MYLK4: variants seen among roughly 807,000 people sequenced by gnomAD.
The protein encoded by MYLK4 is caMLCK like.
Under a neutral mutation model 48.1 loss-of-function variants are expected in MYLK4, and 46 were observed. That is an observed-to-expected ratio of 0.96 (90% CI 0.75 to 1.22). The LOEUF (loss-of-function observed/expected upper bound fraction) is 1.22, where lower values mean the gene tolerates loss of function less well. Ranked by LOEUF, MYLK4 falls within the 50% of genes most tolerant of loss-of-function variation. The pLI, the probability that MYLK4 is intolerant of heterozygous loss-of-function variation, is 0.00. For synonymous variants in MYLK4, 170 were observed against 180.8 expected (o/e 0.94, Z 0.48); for missense variants, 451 against 486.1 (o/e 0.93, Z 0.68).
chr6:2,698,922 C>T (rs894263310), intron 2 of MYLK4, among the ~76,000 whole-genome samples: 1 of 152,210 alleles, frequency 6.6e-6, no homozygotes, highest in African/African-American at 2.4e-5. Context: ...AGGACAGAAA[C>T]TGACTGACCA....
intron 2 of MYLK4, among the ~76,000 whole-genome samples, chr6:2,733,098 T>C (rs1022932893): frequency 1.3e-5 from 2 of 152,248 alleles, no homozygotes; most frequent in Admixed American, 1.3e-4. Context: ...TGTCAAATTA[T>C]ATCCTTCTTC....
intron 8 of MYLK4, 101 bp downstream of exon 8, chr6:2,680,120 G>T: frequency 7.7e-7 from 1 of 1,298,782 alleles, no homozygotes; most frequent in Non-Finnish European, 1.1e-6. Flanking sequence ...TTATAAATGA[G>T]ATCATGAAAC....
At chr6:2,694,607 GATT>G (rs1761988145) in intron 2 of MYLK4, among the ~76,000 whole-genome samples, 1 of 141,122 alleles carries the variant, frequency 7.1e-6, no homozygotes, top group Non-Finnish European at 1.6e-5. Flanking sequence ...TGGTGGTGAT[GATT>G]GTAGTGGTGA....
chr6:2,765,589 GC>G, the MYLK4 span: 1 of 1,463,876 alleles, frequency 6.8e-7, no homozygotes, highest in East Asian at 3.0e-5. Context: ...GGTTGCTGCG[GC>G]CGCGCCGGGC....
In MYLK4 at chr6:2,706,350, CTT is replaced by C. The variant is rs11340237; in HGVS notation, c.160-13493_160-13492del. ...CACGTTATTCGTCACTCTAAAGTGA[CTT>C]TTTTTTTTTCCAGAAAAAAAACCCC... On this transcript the variant is annotated intron_variant, in intron 2 of 12. Transcript: ENST00000274643. 3.4e-5 allele frequency among the ~76,000 whole-genome samples: 5 copies of C among 146,326 alleles called. No homozygotes were observed. The East Asian group carries it at 9.9e-4, about 29-fold the overall frequency.
At chr6:2,706,130 CT>C (rs1303820057) in intron 2 of MYLK4, among the ~76,000 whole-genome samples, 1 of 152,184 alleles carries the variant, frequency 6.6e-6, no homozygotes, top group African/African-American at 2.4e-5. Flanking sequence ...AATATATGAT[CT>C]TTTCTCTCAT....
At chr6:2,713,788 G>A (rs1009831301) in intron 2 of MYLK4, among the ~76,000 whole-genome samples, 2 of 152,148 alleles carry the variant, frequency 1.3e-5, no homozygotes, top group Admixed American at 6.5e-5. Flanking sequence ...TTAGGCCTAC[G>A]CATAGGCTGG....
At chr6:2,694,698 ACATT>A (rs1761996341) in intron 2 of MYLK4, among the ~76,000 whole-genome samples, 1 of 138,974 alleles carries the variant, frequency 7.2e-6, no homozygotes. Flanking sequence ...TTGTGCACAC[ACATT>A]ATGTACCACT....
chr6:2,755,392 T>G (rs1764405285), upstream of MYLK4, among the ~76,000 whole-genome samples: 1 of 152,206 alleles, frequency 6.6e-6, no homozygotes, highest in South Asian at 2.1e-4. Flanking sequence ...CTCATGAAAC[T>G]TTACCCCTAT....
chr6:2,737,989 G>GGGGGGGGAA (rs796444548), intron 2 of MYLK4, among the ~76,000 whole-genome samples: 1 of 62,056 alleles, frequency 1.6e-5, no homozygotes, highest in African/African-American at 6.8e-5. Context: ...GGTGGGGGGG[G>GGGGGGGGAA]GGTGGTCAAT....
chr6:2,766,534 AG>A, the MYLK4 span: 4 of 1,413,960 alleles, frequency 2.8e-6, no homozygotes, highest in Non-Finnish European at 3.7e-6. Context: ...TGCCCTCGAA[AG>A]AAGCCGCCTG....
At chr6:2,690,956 G>A (rs373473239) in intron 3 of MYLK4, among the ~76,000 whole-genome samples, 5 of 151,386 alleles carry the variant, frequency 3.3e-5, no homozygotes, top group African/African-American at 1.2e-4. Flanking sequence ...AGCCTCCCGA[G>A]TAGCTGGGAC....
At chr6:2,757,890 T>A in the MYLK4 span, among the ~76,000 whole-genome samples, 2 of 152,232 alleles carry the variant, frequency 1.3e-5, no homozygotes, top group African/African-American at 4.8e-5. Context: ...CCCAGCCTAG[T>A]GGGAAAGTCA....
intron 2 of MYLK4, among the ~76,000 whole-genome samples, chr6:2,738,064 T>C (rs1209702041): frequency 6.9e-6 from 1 of 145,034 alleles, no homozygotes; most frequent in African/African-American, 2.5e-5. Flanking sequence ...GTCATAGAAG[T>C]AGCAAGAGGC....
At chr6:2,692,305 T>G (rs1761833285) in intron 3 of MYLK4, among the ~76,000 whole-genome samples, 1 of 152,198 alleles carries the variant, frequency 6.6e-6, no homozygotes, top group Non-Finnish European at 1.5e-5. Flanking sequence ...GTCTTGTCTT[T>G]TTGTGTGAAA....
Position 2,664,749 on chromosome 6 carries a change from T to A in MYLK4, c.*3176A>T, listed in dbSNP as rs1304586254. 6.6e-6 allele frequency: 1 copy of A among 152,168 alleles called. No homozygotes were observed. The highest frequency in any genetic ancestry group is 1.5e-5 in the Non-Finnish European group (1 of 68,016). 9.4% of individuals were successfully genotyped at this position (152,168 alleles called of 1,614,324 possible). On this transcript the variant is annotated 3_prime_UTR_variant, in exon 13 of 13. Transcript: ENST00000274643. Reference sequence around the variant, plus strand: ...CAAATTAATATCAAGTTAGAGGAAATAACTGAAAACAAACTTATGGCACTC... The same window carrying A: ...CAAATTAATATCAAGTTAGAGGAAAAAACTGAAAACAAACTTATGGCACTC...
At chr6:2,670,168 C>A (rs1760828724) in intron 12 of MYLK4, among the ~76,000 whole-genome samples, 1 of 152,124 alleles carries the variant, frequency 6.6e-6, no homozygotes, top group Non-Finnish European at 1.5e-5. Flanking sequence ...GAGTTTGAGA[C>A]CAGCCTGGCT....
At position 2,667,846 on chromosome 6, in the gene MYLK4, ACTG is replaced by A. The variant is rs2113067737; in HGVS notation, c.*76_*78del. 6.5e-6 allele frequency: 1 copy of A among 152,768 alleles called. No individual in the cohort carries two copies. Among genetic ancestry groups the A allele is most frequent in the East Asian group, 1.9e-4 (1 of 5,182 alleles). The allele number at this position is 152,768 out of a possible 1,614,324, so 9.5% of individuals were successfully genotyped here. ...TCATCACAGGGGTCAAGGCATCAGA[ACTG>A]CTGATTTTTCAAAAAATTTTCTCGA... On this transcript the variant is annotated 3_prime_UTR_variant, in exon 13 of 13. Transcript: ENST00000274643.
chr6:2,683,038 G>C lies in MYLK4; in HGVS notation c.670C>G (p.Leu224Val), dbSNP rs766618649. The C allele has an allele frequency of 1.2e-6, 2 of 1,614,152 alleles. No homozygotes were observed. The highest frequency in any genetic ancestry group is 1.6e-4 in the Middle Eastern group (1 of 6,062). ...ACCCTTACCTTCAGGTCCAAGTGGA[G>C]AATGTACATCTGATGCATGTGCCTT... is the stretch of plus-strand genomic sequence containing the variant. ...GIRHMHQMYI[L>V]HLDLKPENIL... The change falls in exon 7 of 13, where the codon CTC becomes GTC. Residue 224 changes from leucine to valine, a missense_variant. Coordinates refer to ENST00000274643, the MANE Select transcript of MYLK4 (RefSeq NM_001012418.5).
Sources: allele counts gnomAD v4.1 joint callset (sites outside exome capture counted in the v4.1 genomes callset), GRCh38; gene constraint gnomAD v4.1.1; transcripts MANE v1.5; gene names NCBI Gene and HGNC (gene_info 2026-07-23, HGNC 2026-07-21).